Variants in PELI1 observed in about 807,000 individuals in gnomAD.
PELI1 encodes E3 ubiquitin-protein ligase pellino homolog 1.
A neutral mutation model predicts 41.3 loss-of-function variants in PELI1; 15 were observed. The observed-to-expected ratio is 0.36, with a 90% CI of 0.24 to 0.56. The LOEUF is 0.56. Among genes scored for constraint, PELI1 ranks in the 20% least tolerant of loss-of-function variants. The pLI, the probability that PELI1 is intolerant of heterozygous loss-of-function variation, is 0.82. For synonymous variants in PELI1, 178 were observed against 180.1 expected (o/e 0.99, Z 0.09); for missense variants, 403 against 525.5 (o/e 0.77, Z 2.28).
At position 64,108,251 on chromosome 2, in the gene PELI1, G is replaced by T; in HGVS notation, c.60C>A (p.Leu20=). The change falls in exon 2 of 7, where the codon CTC becomes CTA. Residue 20 remains leucine (L), a synonymous_variant. Transcript: ENST00000358912. ...PSKAPVKYGE[L]IVLGYNGSLP... ...TGGAGAAACCTTACCCTAAGACAAT[G>T]AGTTCACCATATTTTACTGGTGCTT... 6.4e-7 allele frequency: 1 copy of T among 1,566,322 alleles called. No individual in the cohort carries two copies. The highest frequency in any genetic ancestry group is 8.8e-7 in the Non-Finnish European group (1 of 1,136,622).
chr2:64,136,022 CTT>C (rs1346353125), intron 1 of PELI1, among the ~76,000 whole-genome samples: 1 of 152,192 alleles, frequency 6.6e-6, no homozygotes, highest in Non-Finnish European at 1.5e-5. Context: ...CCTTCCCTCT[CTT>C]TCTCTTCCGT....
At chr2:64,132,229 AC>A in intron 1 of PELI1, among the ~76,000 whole-genome samples, 1 of 152,290 alleles carries the variant, frequency 6.6e-6, no homozygotes, top group Non-Finnish European at 1.5e-5. Context: ...CCTTTCAACA[AC>A]CTTACCAGGA....
chr2:64,135,876 C>G (rs936008584), intron 1 of PELI1, among the ~76,000 whole-genome samples: 1 of 152,188 alleles, frequency 6.6e-6, no homozygotes, highest in African/African-American at 2.4e-5. Context: ...CTTCTATTCT[C>G]TACTTAATTT....
At chr2:64,143,526 C>T (rs1229760693) in intron 1 of PELI1, 1 of 152,110 alleles carries the variant, frequency 6.6e-6, no homozygotes, top group Non-Finnish European at 1.5e-5. Flanking sequence ...TAACTTGTTT[C>T]CTAGGGGACC....
intron 1 of PELI1, among the ~76,000 whole-genome samples, chr2:64,117,176 G>T (rs1313872398): frequency 6.6e-6 from 1 of 152,092 alleles, no homozygotes; most frequent in Non-Finnish European, 1.5e-5. Context: ...TAAGGGAAAG[G>T]AAGAGTTGCA....
In PELI1 at chr2:64,095,233, C is replaced by G. The variant is rs748000696; in HGVS notation, c.726G>C (p.Ser242=). 50 of 1,613,856 alleles carry G rather than the reference C, an allele frequency of 3.1e-5. No homozygotes were observed. The highest frequency in any genetic ancestry group is 6.7e-5 in the Admixed American group (4 of 59,996). Residue 242 remains serine, a synonymous_variant, in exon 7 of 7, where the codon TCG becomes TCC. Coordinates refer to ENST00000358912, the MANE Select transcript of PELI1 (RefSeq NM_020651.4). The stretch of plus-strand genomic sequence containing the variant: ...ATGTTGCACCACAGAGGTCAATTAA[C>G]GAGCCATCTTGTAACTGATTGGTTT... ...EIETNQLQDG[S]LIDLCGATLL...
At chr2:64,102,833 A>ATG (rs1328852094) in intron 3 of PELI1, among the ~76,000 whole-genome samples, 5 of 144,042 alleles carry the variant, frequency 3.5e-5, no homozygotes, top group African/African-American at 1.3e-4. Context: ...GGAGGAGTCA[A>ATG]TCTTTTTTTT....
chr2:64,112,367 A>C (rs1353762741), intron 1 of PELI1, among the ~76,000 whole-genome samples: 1 of 152,216 alleles, frequency 6.6e-6, no homozygotes, highest in Non-Finnish European at 1.5e-5. Context: ...TGGTCCTGAC[A>C]TAAGAATTTA....
At chr2:64,097,634 T>C (rs762651630) in intron 4 of PELI1, among the ~76,000 whole-genome samples, 3 of 152,356 alleles carry the variant, frequency 2.0e-5, no homozygotes, top group African/African-American at 2.4e-5. Context: ...TTGGAAATTA[T>C]CAGTTCATGA....
chr2:64,092,687 G>A lies in PELI1; in HGVS notation c.*2015C>T, dbSNP rs1173059177. On this transcript the variant is annotated 3_prime_UTR_variant, in exon 7 of 7. Transcript: ENST00000358912. ...ACTAACAAAGTTCCTTTATTAGTAA[G>A]AGATGCTTTTAAAAAAGAACCAGAT... 3 of 152,168 alleles carry A rather than the reference G, an allele frequency of 2.0e-5. No individual in the cohort carries two copies. The highest frequency in any genetic ancestry group is 7.2e-5 in the African/African-American group (3 of 41,442). 9.4% of individuals were successfully genotyped at this position (152,168 alleles called of 1,614,324 possible).
At chr2:64,104,908 C>T (rs914910967) in intron 2 of PELI1, 78 bp from the exon 3 acceptor site, 2 of 1,241,630 alleles carry the variant, frequency 1.6e-6, no homozygotes, top group Non-Finnish European at 2.3e-6. Flanking sequence ...CTTTGCCTTG[C>T]AGAATCAATT....
At chr2:64,118,462 A>G (rs1384281806) in intron 1 of PELI1, among the ~76,000 whole-genome samples, 1 of 152,206 alleles carries the variant, frequency 6.6e-6, no homozygotes, top group Non-Finnish European at 1.5e-5. Context: ...AATCAGATTA[A>G]GCTTTTCATG....
At chr2:64,096,893 G>A (rs1041994964) in intron 4 of PELI1, among the ~76,000 whole-genome samples, 62 of 152,286 alleles carry the variant, frequency 4.1e-4, no homozygotes, top group African/African-American at 1.1e-3. Flanking sequence ...CTAGATGGCT[G>A]CAGATTTTAA....
intron 1 of PELI1, among the ~76,000 whole-genome samples, chr2:64,138,937 T>C (rs905449651): frequency 6.6e-6 from 1 of 152,226 alleles, no homozygotes; most frequent in Non-Finnish European, 1.5e-5. Context: ...TCAGCAATTT[T>C]CAATATATGG....
At chr2:64,118,687 A>G (rs1681101797) in intron 1 of PELI1, among the ~76,000 whole-genome samples, 1 of 152,188 alleles carries the variant, frequency 6.6e-6, no homozygotes, top group Non-Finnish European at 1.5e-5. Context: ...ATTACTTAAA[A>G]TCTCTACAAA....
intron 1 of PELI1, among the ~76,000 whole-genome samples, chr2:64,135,761 A>G (rs1007626710): frequency 2.6e-5 from 4 of 152,226 alleles, no homozygotes; most frequent in Non-Finnish European, 5.9e-5. Flanking sequence ...TATTTCCAAA[A>G]TTAAGTATAG....
chr2:64,141,016 T>C (rs1681896115), intron 1 of PELI1, among the ~76,000 whole-genome samples: 1 of 152,090 alleles, frequency 6.6e-6, no homozygotes, highest in Admixed American at 6.5e-5. Flanking sequence ...CTTGAAAGAA[T>C]GACTTCTATT....
intron 3 of PELI1, among the ~76,000 whole-genome samples, chr2:64,103,714 C>A (rs1165351671): frequency 6.6e-6 from 1 of 152,212 alleles, no homozygotes; most frequent in Non-Finnish European, 1.5e-5. Flanking sequence ...CAATTACCTT[C>A]AGACACTGAA....
intron 3 of PELI1, among the ~76,000 whole-genome samples, chr2:64,101,329 T>TA (rs538288635): frequency 0.043 from 6,065 of 139,706 alleles, 211 homozygotes; most frequent in African/African-American, 0.1. Flanking sequence ...GAAAAAAATT[T>TA]AAAAAAAAAA....
Sources: gnomAD v4.1 joint callset for allele counts (sites outside exome capture counted in the v4.1 genomes callset) on GRCh38, gnomAD v4.1.1 for gene constraint, MANE v1.5 for transcripts, NCBI Gene and HGNC (gene_info 2026-07-23, HGNC 2026-07-21) for gene names.